Variants in WT1 observed in about 807,000 individuals in gnomAD.
The protein encoded by WT1 is WT1 transcription factor, also known as Wilms tumor protein.
Under a neutral mutation model 60.8 loss-of-function variants are expected in WT1, and 8 were observed. The ratio of observed to expected loss-of-function variants is 0.13; its 90% CI spans 0.08 to 0.24. The LOEUF (loss-of-function observed/expected upper bound fraction) is 0.24, where lower values mean the gene tolerates loss of function less well. Ranked by LOEUF, WT1 falls within the 10% of genes least tolerant of loss-of-function variation. The probability of loss-of-function intolerance (pLI) is 1.00; values close to 1 mark genes in which losing one functional copy is unlikely to be tolerated. For missense variants in WT1, 568 were observed against 711.8 expected (o/e 0.80, Z 2.30); for synonymous variants, 312 against 297.1 (o/e 1.05, Z -0.52).
intron 6 of WT1, 21 bp from the exon 7 acceptor site, chr11:32,396,428 G>A (rs769958048): frequency 1.2e-6 from 2 of 1,612,568 alleles, no homozygotes; most frequent in East Asian, 2.2e-5. Context: ...AGAGTAAGAG[G>A]AAGGGAGGCT....
intron 1 of WT1, chr11:32,430,864 G>A: frequency 8.2e-7 from 1 of 1,217,036 alleles, no homozygotes; most frequent in Non-Finnish European, 1.0e-6. Flanking sequence ...ATCGGACACG[G>A]GTTTGATTAG....
chr11:32,426,054 A>G (rs1044643823), intron 3 of WT1, among the ~76,000 whole-genome samples: 1 of 152,158 alleles, frequency 6.6e-6, no homozygotes, highest in Non-Finnish European at 1.5e-5. Context: ...AGGTCCTCTG[A>G]TGGACCCCTT....
chr11:32,406,297 T>A (rs1400193226), intron 5 of WT1, among the ~76,000 whole-genome samples: 2 of 152,102 alleles, frequency 1.3e-5, no homozygotes, highest in African/African-American at 2.4e-5. Context: ...AGTTAGATTC[T>A]TATAAGGAGA....
At chr11:32,394,388 C>T (rs1851905470) in intron 7 of WT1, among the ~76,000 whole-genome samples, 1 of 152,124 alleles carries the variant, frequency 6.6e-6, no homozygotes, top group Non-Finnish European at 1.5e-5. Context: ...TCTCGGATGA[C>T]CTTAGTTCAA....
chr11:32,415,372 G>A (rs1276258314), intron 5 of WT1, among the ~76,000 whole-genome samples: 1 of 152,262 alleles, frequency 6.6e-6, no homozygotes, highest in Non-Finnish European at 1.5e-5. Flanking sequence ...AGAAAGGCCA[G>A]GCACGGTGGC....
rs5030235 is a variant in WT1, at chr11:32,410,847, G to A, written c.1016+5643C>T. ...CTACTAAAATATGCAGTAGCTCCTT[G>A]TTTCAGAGAAACACTTTTCTGGATA... is the stretch of plus-strand genomic sequence containing the variant. On this transcript the variant is annotated intron_variant, in intron 5 of 9. Coordinates refer to ENST00000452863, the MANE Select transcript of WT1 (RefSeq NM_024426.6). 1.0e-2 allele frequency among the ~76,000 whole-genome samples: 1,518 copies of A among 152,234 alleles called. 24 individuals carry two copies. The highest frequency in any genetic ancestry group is 0.034 in the African/African-American group (1,430 of 41,530).
In WT1 at chr11:32,419,825, C is replaced by T. The variant is rs547264778; in HGVS notation, c.888-2171G>A. On this transcript the variant is annotated intron_variant, in intron 3 of 9. Coordinates refer to ENST00000452863, the MANE Select transcript of WT1 (RefSeq NM_024426.6). Reference sequence around the variant, plus strand: ...TCTCCTGCCTCAGCCACCCAAGTAGCTGGGACTACAGGCATCTGCCACCAT... The same window carrying T: ...TCTCCTGCCTCAGCCACCCAAGTAGTTGGGACTACAGGCATCTGCCACCAT... Among the ~76,000 whole-genome samples the T allele has an allele frequency of 2.0e-5, 3 of 152,348 alleles. No homozygotes were observed. In the South Asian group the frequency reaches 6.2e-4, roughly 32 times the overall value.
intron 4 of WT1, among the ~76,000 whole-genome samples, 174 bp from the exon 5 acceptor site, chr11:32,416,714 C>T (rs1428461060): frequency 6.6e-6 from 1 of 152,124 alleles, no homozygotes; most frequent in Non-Finnish European, 1.5e-5. Flanking sequence ...GGGTGGAAGG[C>T]ACCACCGGAG....
At chr11:32,403,953 T>C (rs1481734211) in intron 5 of WT1, among the ~76,000 whole-genome samples, 1 of 148,710 alleles carries the variant, frequency 6.7e-6, no homozygotes, top group Non-Finnish European at 1.5e-5. Flanking sequence ...ATACAAAGAC[T>C]CTCTGCTCTT....
At position 32,416,205 on chromosome 11, in the gene WT1, T is replaced by C. The variant is rs183983795; in HGVS notation, c.1016+285A>G. On this transcript the variant is annotated intron_variant, in intron 5 of 9. Coordinates refer to ENST00000452863, the MANE Select transcript of WT1 (RefSeq NM_024426.6). ...CATTATGGTTGTAATGCCACAAATT[T>C]AGTATTTAGTATTTTGTGAAGTATT... Among the ~76,000 whole-genome samples, 3 of 152,294 alleles carry C rather than the reference T, an allele frequency of 2.0e-5. No homozygotes were observed. In the East Asian group the frequency reaches 5.8e-4, roughly 29 times the overall value.
chr11:32,408,815 C>G (rs1446341009), intron 5 of WT1, among the ~76,000 whole-genome samples: 2 of 152,020 alleles, frequency 1.3e-5, no homozygotes, highest in Admixed American at 1.3e-4. Context: ...GGACAACTAC[C>G]AAATAAAACA....
Position 32,435,387 on chromosome 11 carries a change from CGGGCGCCT to C in WT1, c.-35_-28del, listed in dbSNP as rs1853486481. On this transcript the variant is annotated 5_prime_UTR_variant, in exon 1 of 10. Transcript: ENST00000452863. The stretch of plus-strand genomic sequence containing the variant: ...ATCGCGGCGAGGAGACGGCGGGGCC[CGGGCGCCT>C]GGGCTGCCGTCCCGGCTCTGGGTGG... The C allele has an allele frequency of 2.4e-6, 3 of 1,227,200 alleles. No individual in the cohort carries two copies. The highest frequency in any genetic ancestry group is 3.1e-6 in the Non-Finnish European group (3 of 957,724). 76.0% of individuals were successfully genotyped at this position (1,227,200 alleles called of 1,614,324 possible). A position where few individuals can be genotyped will look rare whatever the true frequency, so the allele number is the denominator to read the frequency against.
At chr11:32,410,146 G>C (rs989971559) in intron 5 of WT1, among the ~76,000 whole-genome samples, 2 of 152,008 alleles carry the variant, frequency 1.3e-5, no homozygotes, top group Admixed American at 1.3e-4. Context: ...GGCCAGGCTG[G>C]TCTCAAACTC....
intron 5 of WT1, chr11:32,400,315 G>A (rs1852116882): frequency 1.9e-6 from 1 of 524,860 alleles, no homozygotes; most frequent in Non-Finnish European, 3.5e-6. Context: ...GACAAGCCGA[G>A]GAAGACCACA....
At chr11:32,427,933 C>T (rs765570602) in intron 3 of WT1, 23 bp downstream of exon 3, 1 of 1,597,052 alleles carries the variant, frequency 6.3e-7, no homozygotes, top group Middle Eastern at 2.2e-4. Flanking sequence ...AGGACCCAGA[C>T]GCAGAGCCCA....
intron 1 of WT1, among the ~76,000 whole-genome samples, chr11:32,433,075 A>G (rs1247696594): frequency 6.6e-6 from 1 of 152,186 alleles, no homozygotes; most frequent in Non-Finnish European, 1.5e-5. Context: ...GCCGGACCCA[A>G]TCTCCAGGTT....
At chr11:32,419,187 C>A (rs1166344440) in intron 3 of WT1, among the ~76,000 whole-genome samples, 1 of 152,078 alleles carries the variant, frequency 6.6e-6, no homozygotes, top group Non-Finnish European at 1.5e-5. Flanking sequence ...CCTGAAGGAC[C>A]CCAACTTTTA....
Position 32,430,455 on chromosome 11 carries a change from GGAGAGAGAGA to G in WT1, c.662-1846_662-1837del, listed in dbSNP as rs529663782. 5,560 of 897,176 alleles carry G rather than the reference GGAGAGAGAGA, an allele frequency of 6.2e-3. 9 individuals are homozygous for G. The highest frequency in any genetic ancestry group is 7.5e-3 in the Non-Finnish European group (4,752 of 637,218). 55.6% of individuals were successfully genotyped at this position (897,176 alleles called of 1,614,324 possible). A position where few individuals can be genotyped will look rare whatever the true frequency, so the allele number is the denominator to read the frequency against. ...CACAGAGAGAGAGAGAGAGAGGGAG[GGAGAGAGAGA>G]GAGAGAGAGAGAGAGAGAGAGAGAG... On this transcript the variant is annotated intron_variant, in intron 1 of 9. Transcript: ENST00000452863.
chr11:32,429,180 G>A (rs1280869265), intron 1 of WT1, among the ~76,000 whole-genome samples: 1 of 152,194 alleles, frequency 6.6e-6, no homozygotes, highest in Non-Finnish European at 1.5e-5. Flanking sequence ...TACCCGACCT[G>A]ACACCATGAC....
Sources: allele counts gnomAD v4.1 joint callset (sites outside exome capture counted in the v4.1 genomes callset), GRCh38; gene constraint gnomAD v4.1.1; transcripts MANE v1.5; gene names NCBI Gene and HGNC (gene_info 2026-07-23, HGNC 2026-07-21).